Variants in TYW1 observed in about 807,000 individuals in gnomAD.
TYW1 encodes the protein S-adenosyl-L-methionine-dependent tRNA 4-demethylwyosine synthase TYW1.
TYW1 carries 46 observed loss-of-function variants against 96.2 expected under a neutral mutation model. That is an observed-to-expected ratio of 0.48 (90% CI 0.38 to 0.61). TYW1 has a LOEUF of 0.61. Ranked by LOEUF, TYW1 falls within the 20% of genes least tolerant of loss-of-function variation. TYW1 has a pLI of 0.00. For missense variants in TYW1, 684 were observed against 909.6 expected (o/e 0.75, Z 3.19); for synonymous variants, 274 against 323.0 (o/e 0.85, Z 1.63).
chr7:67,072,545 C>T (rs902069532), intron 10 of TYW1, among the ~76,000 whole-genome samples: 5 of 151,938 alleles, frequency 3.3e-5, no homozygotes, highest in Non-Finnish European at 5.9e-5. Flanking sequence ...CCGCGCCTGA[C>T]CCCTCTCTAC....
intron 11 of TYW1, among the ~76,000 whole-genome samples, chr7:67,086,861 G>C (rs969737423): frequency 1.3e-5 from 2 of 152,128 alleles, no homozygotes; most frequent in African/African-American, 4.8e-5. Context: ...AACCATCACA[G>C]ATAGTAATAT....
intron 4 of TYW1, among the ~76,000 whole-genome samples, chr7:67,012,180 C>T (rs536948813): frequency 2.6e-5 from 4 of 152,024 alleles, no homozygotes; most frequent in South Asian, 2.1e-4. Flanking sequence ...GGTGAAACCC[C>T]GTCTCTATTA....
intron 15 of TYW1, among the ~76,000 whole-genome samples, chr7:67,217,413 C>A (rs929240259): frequency 6.6e-6 from 1 of 152,082 alleles, no homozygotes; most frequent in African/African-American, 2.4e-5. Context: ...GGTCTTTGAT[C>A]CATTTTGAGT....
At chr7:67,027,587 A>G (rs1265747762) in intron 7 of TYW1, among the ~76,000 whole-genome samples, 2 of 152,172 alleles carry the variant, frequency 1.3e-5, no homozygotes, top group Non-Finnish European at 2.9e-5. Flanking sequence ...TTTGCCTCTT[A>G]TATCTCAGAC....
intron 10 of TYW1, among the ~76,000 whole-genome samples, chr7:67,069,416 C>T (rs1795966468): frequency 6.6e-6 from 1 of 152,076 alleles, no homozygotes; most frequent in South Asian, 2.1e-4. Context: ...TCTTTTACAT[C>T]ATCAAGAGAA....
intron 5 of TYW1, among the ~76,000 whole-genome samples, chr7:67,017,590 TC>T (rs1409190257): frequency 6.6e-6 from 1 of 152,178 alleles, no homozygotes; most frequent in Non-Finnish European, 1.5e-5. Context: ...TAGTCATTAA[TC>T]CTTCATTTGA....
intron 13 of TYW1, among the ~76,000 whole-genome samples, chr7:67,122,497 C>G (rs776611802): frequency 6.6e-6 from 1 of 152,112 alleles, no homozygotes; most frequent in Non-Finnish European, 1.5e-5. Flanking sequence ...AAGAGAAATA[C>G]AAAGAAGCAA....
intron 13 of TYW1, among the ~76,000 whole-genome samples, chr7:67,175,622 G>A (rs1584656248): frequency 1.3e-5 from 2 of 152,140 alleles, no homozygotes; most frequent in South Asian, 2.1e-4. Flanking sequence ...CTAAGAATGC[G>A]AGTTTTGTTT....
chr7:67,207,681 C>CT (rs11286327), intron 15 of TYW1, among the ~76,000 whole-genome samples: 12,803 of 116,436 alleles, frequency 0.11, 952 homozygotes, highest in East Asian at 0.27. Flanking sequence ...TTTTGTTTGC[C>CT]TTTTTTTTTT....
chr7:67,074,370 A>G (rs1257029553), intron 10 of TYW1, among the ~76,000 whole-genome samples: 2 of 152,180 alleles, frequency 1.3e-5, no homozygotes, highest in Non-Finnish European at 2.9e-5. Context: ...AAAATTCAAA[A>G]GAAATAACAG....
intron 9 of TYW1, among the ~76,000 whole-genome samples, chr7:67,060,330 C>T (rs553365947): frequency 8.1e-4 from 124 of 152,334 alleles, no homozygotes; most frequent in African/African-American, 2.9e-3. Flanking sequence ...TCCGCCTTGG[C>T]CTCCCAAAGG....
At position 67,238,727 on chromosome 7, in the gene TYW1, T is replaced by A; in HGVS notation, c.*198T>A. On this transcript the variant is annotated 3_prime_UTR_variant, in exon 16 of 16. Transcript: ENST00000359626. ...TGGGCCACAGCCCCGATGTTTCTTT[T>A]CAGAACTCAGCCCCTTTCCTGATTT... is the stretch of plus-strand genomic sequence containing the variant. 1 of 1,409,430 alleles carries A rather than the reference T, an allele frequency of 7.1e-7. No homozygotes were observed. The highest frequency in any genetic ancestry group is 9.3e-7 in the Non-Finnish European group (1 of 1,079,666). The allele number at this position is 1,409,430 out of a possible 1,614,324, so 87.3% of individuals were successfully genotyped here. A position where few individuals can be genotyped will look rare whatever the true frequency, so the allele number is the denominator to read the frequency against.
chr7:67,217,488 A>G (rs1315719206), intron 15 of TYW1, among the ~76,000 whole-genome samples: 2 of 152,180 alleles, frequency 1.3e-5, no homozygotes, highest in Admixed American at 6.5e-5. Context: ...TGTTTTTCCA[A>G]CACCATTTGT....
At chr7:67,052,509 T>G (rs1795387712) in intron 8 of TYW1, among the ~76,000 whole-genome samples, 1 of 152,184 alleles carries the variant, frequency 6.6e-6, no homozygotes, top group Non-Finnish European at 1.5e-5. Flanking sequence ...TTTGGGTCTT[T>G]TTATATTTTC....
intron 15 of TYW1, among the ~76,000 whole-genome samples, chr7:67,208,682 G>A (rs1389838049): frequency 3.8e-5 from 5 of 131,750 alleles, no homozygotes; most frequent in African/African-American, 5.9e-5. Context: ...AGAGTGAGAC[G>A]CTGTCTCAAA....
At chr7:67,082,881 G>A (rs1796430797) in intron 10 of TYW1, among the ~76,000 whole-genome samples, 1 of 152,112 alleles carries the variant, frequency 6.6e-6, no homozygotes, top group Non-Finnish European at 1.5e-5. Flanking sequence ...GGAATATGGA[G>A]ATACAGGGGC....
chr7:67,204,975 G>A (rs1413356981), intron 15 of TYW1, among the ~76,000 whole-genome samples: 6 of 152,204 alleles, frequency 3.9e-5, no homozygotes, highest in Non-Finnish European at 5.9e-5. Flanking sequence ...TAATACCAAC[G>A]CACATACCAC....
At chr7:67,095,003 A>ATTTT (rs71049498) in intron 11 of TYW1, among the ~76,000 whole-genome samples, 2 of 145,762 alleles carry the variant, frequency 1.4e-5, no homozygotes, top group Non-Finnish European at 3.0e-5. Context: ...AAACTGCATG[A>ATTTT]TTTTTTTTTT....
Position 67,023,760 on chromosome 7 carries a change from TCAA to T in TYW1, c.862-1127_862-1125del, listed in dbSNP as rs1354610158. On this transcript the variant is annotated intron_variant, in intron 6 of 15. Coordinates refer to ENST00000359626, the MANE Select transcript of TYW1 (RefSeq NM_018264.4). ...TCCAGCCTGGGTGACAGAGCAAGAC[TCAA>T]CAACAACAACAAAAACAACAACAAC... Among the ~76,000 whole-genome samples, 7 of 152,110 alleles carry T rather than the reference TCAA, an allele frequency of 4.6e-5. No homozygotes were observed. The East Asian group carries it at 9.7e-4, about 21-fold the overall frequency.
Sources: gnomAD v4.1 joint callset for allele counts (sites outside exome capture counted in the v4.1 genomes callset) on GRCh38, gnomAD v4.1.1 for gene constraint, MANE v1.5 for transcripts, NCBI Gene and HGNC (gene_info 2026-07-23, HGNC 2026-07-21) for gene names.